The following ADIPOQ variants were observed in gnomAD, a reference collection of about 807,000 sequenced individuals.
ADIPOQ encodes adiponectin, C1Q and collagen domain containing.
Under a neutral mutation model 16.1 loss-of-function variants are expected in ADIPOQ, and 19 were observed. The ratio of observed to expected loss-of-function variants is 1.18; its 90% confidence interval spans 0.82 to 1.73. The LOEUF (loss-of-function observed/expected upper bound fraction) is 1.73. Ranked by LOEUF, ADIPOQ falls within the 40% of genes most tolerant of loss-of-function variation. The pLI, the probability that ADIPOQ is intolerant of heterozygous loss-of-function variation, is 0.00. For synonymous variants in ADIPOQ, 124 were observed against 125.5 expected (o/e 0.99, Z 0.08); for missense variants, 323 against 308.3 (o/e 1.05, Z -0.36).
At chr3:186,850,043 C>A (rs1476257656) in intron 1 of ADIPOQ, among the ~76,000 whole-genome samples, 1 of 152,020 alleles carries the variant, frequency 6.6e-6, no homozygotes, top group Non-Finnish European at 1.5e-5. Context: ...CCAAGGCGGG[C>A]GGATCACCTG....
chr3:186,850,195 G>A (rs1022910178), intron 1 of ADIPOQ, among the ~76,000 whole-genome samples: 1 of 151,468 alleles, frequency 6.6e-6, no homozygotes, highest in African/African-American at 2.4e-5. Context: ...GCTTGAACCT[G>A]GGAGGTGGAG....
At chr3:186,848,257 G>GGAAGGAAGGAAGGAAA (rs1711636067) in intron 1 of ADIPOQ, among the ~76,000 whole-genome samples, 4 of 51,224 alleles carry the variant, frequency 7.8e-5, no homozygotes, top group Non-Finnish European at 1.9e-4. Context: ...AAAGAAGGAA[G>GGAAGGAAGGAAGGAAA]GAAGGAAGGA....
chr3:186,846,193 C>G (rs1579203666), intron 1 of ADIPOQ, among the ~76,000 whole-genome samples: 2 of 151,868 alleles, frequency 1.3e-5, no homozygotes, highest in South Asian at 4.1e-4. Context: ...AAAAGCAAGG[C>G]AGGGGTGAGG....
chr3:186,855,710 TC>T lies in ADIPOQ; in HGVS notation c.*1009del, dbSNP rs1164815117. 6.6e-6 allele frequency: 1 copy of T among 152,202 alleles called. No individual in the cohort carries two copies. The highest frequency in any genetic ancestry group is 1.5e-5 in the Non-Finnish European group (1 of 68,082). 9.4% of individuals were successfully genotyped at this position (152,202 alleles called of 1,614,324 possible). A position where few individuals can be genotyped will look rare whatever the true frequency, so the allele number is the denominator to read the frequency against. On this transcript the variant is annotated 3_prime_UTR_variant, in exon 3 of 3. Transcript: ENST00000320741. ...CCTAGGTGATCCACCCGCCTCGACC[TC>T]CCAAAGTGCTGGGATTACAGGCATG...
At position 186,854,003 on chromosome 3, in the gene ADIPOQ, G is replaced by C. The variant is rs1312691705; in HGVS notation, c.215-181G>C. ...GAGTTGAAATTATGGGAGCCTCCAT[G>C]TCTGTGGGAGATATAGAAGGAGGAG... On this transcript the variant is annotated intron_variant, in intron 2 of 2. Transcript: ENST00000320741. 9.6e-6 allele frequency: 6 copies of C among 627,110 alleles called. No homozygotes were observed. In the East Asian group the frequency reaches 1.7e-4, roughly 17 times the overall value. The allele number at this position is 627,110 out of a possible 1,614,324, so 38.8% of individuals were successfully genotyped here.
In ADIPOQ at chr3:186,854,564, G is replaced by A. The variant is rs144526209; in HGVS notation, c.595G>A (p.Gly199Ser). The A allele has an allele frequency of 1.1e-4, 181 of 1,613,924 alleles. No homozygotes were observed. The highest frequency in any genetic ancestry group is 1.3e-4 in the Non-Finnish European group (154 of 1,179,916). Reference sequence around the variant, plus strand: ...GGAAAATAATGTGGACCAGGCCTCCGGCTCTGTGCTCCTGCATCTGGAGGT... The same window carrying A: ...GGAAAATAATGTGGACCAGGCCTCCAGCTCTGTGCTCCTGCATCTGGAGGT... ...YQENNVDQASGSVLLHLEVGD... is the reference protein window; with the variant it reads ...YQENNVDQASSSVLLHLEVGD... Residue 199 changes from glycine to serine, a missense_variant, in exon 3 of 3, where the codon GGC becomes AGC. Physicochemically the swap from Gly to Ser is moderately conservative, Grantham distance 56. Transcript: ENST00000320741.
rs183926557 is a variant in ADIPOQ, at chr3:186,847,068, A to G, written c.-9+4319A>G. ...AACCTTTCTGAAGTCCCCTTTCCTC[A>G]TCTCTAAAATGCATACACTCATCAC... On this transcript the variant is annotated intron_variant, in intron 1 of 2. Transcript: ENST00000320741. 2.8e-4 allele frequency among the ~76,000 whole-genome samples: 43 copies of G among 152,276 alleles called. No individual in the cohort carries two copies. In the East Asian group the frequency reaches 5.4e-3, roughly 19 times the overall value.
chr3:186,843,309 T>C lies in ADIPOQ; in HGVS notation c.-9+560T>C, dbSNP rs993435298. Among the ~76,000 whole-genome samples the C allele has an allele frequency of 2.0e-5, 3 of 152,176 alleles. No homozygotes were observed. The South Asian group carries it at 6.2e-4, about 32-fold the overall frequency. On this transcript the variant is annotated intron_variant, in intron 1 of 2. Transcript: ENST00000320741. ...AGATACAATGAGTGTGACATGGTTGTTGTCTATGGATTTGGGGATATATGT... is the reference window on the plus strand; with the variant it reads ...AGATACAATGAGTGTGACATGGTTGCTGTCTATGGATTTGGGGATATATGT...
At chr3:186,850,311 T>C (rs1711710454) in intron 1 of ADIPOQ, among the ~76,000 whole-genome samples, 1 of 148,010 alleles carries the variant, frequency 6.8e-6, no homozygotes, top group African/African-American at 2.5e-5. Flanking sequence ...AGCAGTGAGG[T>C]ACCATTATTT....
intron 2 of ADIPOQ, 150 bp downstream of exon 2, chr3:186,853,422 G>A: frequency 1.1e-5 from 11 of 999,806 alleles, no homozygotes; most frequent in Middle Eastern, 3.1e-4. Flanking sequence ...TTTGGGGTTG[G>A]TCTTCCAAGG....
rs1711984539 is a variant in ADIPOQ at position 186,855,892 on chromosome 3, A to T, written c.*1188A>T. On this transcript the variant is annotated 3_prime_UTR_variant, in exon 3 of 3. Transcript: ENST00000320741. ...CTTGCAGATCCTTGATAAATGCCTC[A>T]TGAAGACCAATCTCTTGAATCCCAT... 6.6e-6 allele frequency: 1 copy of T among 152,272 alleles called. No individual in the cohort carries two copies. The highest frequency in any genetic ancestry group is 2.1e-4 in the South Asian group (1 of 4,838). The allele number at this position is 152,272 out of a possible 1,614,324, so 9.4% of individuals were successfully genotyped here. A position where few individuals can be genotyped will look rare whatever the true frequency, so the allele number is the denominator to read the frequency against.
At chr3:186,844,556 T>C (rs1711529331) in intron 1 of ADIPOQ, among the ~76,000 whole-genome samples, 1 of 151,386 alleles carries the variant, frequency 6.6e-6, no homozygotes, top group African/African-American at 2.4e-5. Flanking sequence ...CTCCTTGTCT[T>C]TTTTGGGGAC....
chr3:186,857,315 A>C lies in ADIPOQ; in HGVS notation c.*2611A>C, dbSNP rs549481095. ...TATGTAGAGGTATTTTCCCTAAAGC[A>C]AAATTGGGACACTGTTATCAGAAAT... On this transcript the variant is annotated 3_prime_UTR_variant, in exon 3 of 3. Transcript: ENST00000320741. 3.3e-5 allele frequency: 5 copies of C among 152,346 alleles called. No homozygotes were observed. Among genetic ancestry groups the C allele is most frequent in the African/African-American group, 1.2e-4 (5 of 41,584 alleles). The allele number at this position is 152,346 out of a possible 1,614,324, so 9.4% of individuals were successfully genotyped here. A position where few individuals can be genotyped will look rare whatever the true frequency, so the allele number is the denominator to read the frequency against.
chr3:186,844,992 T>C (rs1711544137), intron 1 of ADIPOQ, among the ~76,000 whole-genome samples: 1 of 152,174 alleles, frequency 6.6e-6, no homozygotes, highest in African/African-American at 2.4e-5. Context: ...GAGAGACTTA[T>C]CCTAAAAATG....
At chr3:186,849,191 A>G (rs764235126) in intron 1 of ADIPOQ, among the ~76,000 whole-genome samples, 1 of 152,212 alleles carries the variant, frequency 6.6e-6, no homozygotes, top group Non-Finnish European at 1.5e-5. Context: ...GGGCTTTCAC[A>G]TATTCTGGAT....
intron 1 of ADIPOQ, among the ~76,000 whole-genome samples, chr3:186,843,431 G>A (rs569657675): frequency 2.4e-4 from 36 of 152,092 alleles, no homozygotes; most frequent in Non-Finnish European, 4.4e-4. Context: ...AGACCGAGGC[G>A]GGTGGATCAC....
At chr3:186,846,423 G>A (rs538920207) in intron 1 of ADIPOQ, among the ~76,000 whole-genome samples, 7 of 152,106 alleles carry the variant, frequency 4.6e-5, no homozygotes, top group Middle Eastern at 6.8e-3. Flanking sequence ...CAGTAGAGAC[G>A]GGGTTTTGCC....
At chr3:186,847,215 G>A (rs1711601641) in intron 1 of ADIPOQ, among the ~76,000 whole-genome samples, 1 of 152,192 alleles carries the variant, frequency 6.6e-6, no homozygotes, top group African/African-American at 2.4e-5. Flanking sequence ...CAAATGATTT[G>A]TGCCTAAGCA....
chr3:186,852,344 A>G (rs181699234), intron 1 of ADIPOQ: 264 of 152,716 alleles, frequency 1.7e-3, no homozygotes, highest in African/African-American at 6.1e-3. Context: ...TAGAGATTAG[A>G]CAGGGGAGGA....
Sources: gnomAD v4.1 joint callset for allele counts (sites outside exome capture counted in the v4.1 genomes callset) on GRCh38, gnomAD v4.1.1 for gene constraint, MANE v1.5 for transcripts, NCBI Gene and HGNC (gene_info 2026-07-23, HGNC 2026-07-21) for gene names.